TENM3: variants seen among roughly 807,000 people sequenced by gnomAD.
The protein encoded by TENM3 is teneurin transmembrane protein 3, also known as teneurin-3.
Under a neutral mutation model 255.1 loss-of-function variants are expected in TENM3, and 63 were observed. That is an observed-to-expected ratio of 0.25 (90% CI 0.20 to 0.30). The LOEUF (loss-of-function observed/expected upper bound fraction) is 0.30. Among genes scored for constraint, TENM3 ranks in the 10% least tolerant of loss-of-function variants. The pLI is 1.00. For synonymous variants in TENM3, 1,306 were observed against 1,322.3 expected, an observed-to-expected ratio of 0.99 and a Z score of 0.27; for missense variants, 2,929 against 3,461.1, an observed-to-expected ratio of 0.85 and a Z score of 3.86.
At chr4:181,572,084 C>A in the TENM3 span, among the ~76,000 whole-genome samples, 1 of 152,144 alleles carries the variant, frequency 6.6e-6, no homozygotes, top group African/African-American at 2.4e-5. Context: ...ATAGATTAAC[C>A]ACTGTTCTGA....
intron 13 of TENM3, among the ~76,000 whole-genome samples, chr4:182,727,150 A>T (rs749791195): frequency 9.9e-5 from 15 of 152,108 alleles, no homozygotes; most frequent in Non-Finnish European, 2.1e-4. Flanking sequence ...TGTAATTACC[A>T]AGGAGATAAA....
chr4:181,789,193 C>A, the TENM3 span, among the ~76,000 whole-genome samples: 1 of 151,712 alleles, frequency 6.6e-6, no homozygotes, highest in Non-Finnish European at 1.5e-5. Flanking sequence ...GGAGTGTCTT[C>A]TGTTATTTAT....
intron 1 of TENM3, among the ~76,000 whole-genome samples, chr4:182,312,469 T>A (rs1762511767): frequency 6.6e-6 from 1 of 152,240 alleles, no homozygotes; most frequent in African/African-American, 2.4e-5. Context: ...GAAGATGGAA[T>A]GACCTACTTC....
intron 3 of TENM3, among the ~76,000 whole-genome samples, chr4:182,518,139 A>G (rs1738196604): frequency 2.6e-5 from 4 of 152,118 alleles, no homozygotes; most frequent in Admixed American, 2.6e-4. Context: ...CTGGGACCTC[A>G]TAGTAATAAA....
chr4:182,695,190 G>A (rs749389523), intron 12 of TENM3, among the ~76,000 whole-genome samples: 50 of 152,150 alleles, frequency 3.3e-4, no homozygotes, highest in Non-Finnish European at 6.5e-4. Flanking sequence ...TCAGTCAGTG[G>A]TTGGTAGTGG....
At chr4:182,551,886 G>A (rs1742069010) in intron 3 of TENM3, among the ~76,000 whole-genome samples, 2 of 151,932 alleles carry the variant, frequency 1.3e-5, no homozygotes, top group Non-Finnish European at 2.9e-5. Context: ...GCGTGGTAGT[G>A]CATGCCTGTA....
the TENM3 span, among the ~76,000 whole-genome samples, chr4:181,596,912 C>T: frequency 6.6e-6 from 1 of 151,548 alleles, no homozygotes; most frequent in Non-Finnish European, 1.5e-5. Flanking sequence ...AGGGGAGCAA[C>T]ATACACTGGG....
chr4:181,765,702 A>C, the TENM3 span, among the ~76,000 whole-genome samples: 1 of 152,304 alleles, frequency 6.6e-6, no homozygotes, highest in South Asian at 2.1e-4. Flanking sequence ...GAGGCACAAT[A>C]AACACTTATA....
chr4:182,759,952 G>A (rs1387026730), intron 22 of TENM3, among the ~76,000 whole-genome samples: 1 of 152,176 alleles, frequency 6.6e-6, no homozygotes, highest in East Asian at 1.9e-4. Context: ...TGGATGGTAT[G>A]GTGGGAAGAC....
chr4:182,180,122 AT>A (rs1204716263), intron 1 of TENM3, among the ~76,000 whole-genome samples: 1 of 139,440 alleles, frequency 7.2e-6, no homozygotes, highest in Non-Finnish European at 1.7e-5. Context: ...TAAAAAAAAA[AT>A]CGAAGAGTTT....
At chr4:182,510,853 C>A (rs1329098671) in intron 3 of TENM3, among the ~76,000 whole-genome samples, 1 of 152,162 alleles carries the variant, frequency 6.6e-6, no homozygotes, top group South Asian at 2.1e-4. Context: ...GGGATCTGAG[C>A]GCATCCTGCA....
the TENM3 span, among the ~76,000 whole-genome samples, chr4:181,556,568 CTA>C: frequency 1.3e-5 from 2 of 151,944 alleles, no homozygotes; most frequent in East Asian, 3.9e-4. Context: ...GACATTTTTT[CTA>C]TTACAACTAG....
At chr4:182,643,389 T>C (rs1752481943) in intron 5 of TENM3, among the ~76,000 whole-genome samples, 1 of 152,238 alleles carries the variant, frequency 6.6e-6, no homozygotes, top group African/African-American at 2.4e-5. Flanking sequence ...ACATCGGTAT[T>C]CTAATGTGTT....
intron 3 of TENM3, among the ~76,000 whole-genome samples, chr4:182,555,983 G>A (rs1742544655): frequency 6.6e-6 from 1 of 152,076 alleles, no homozygotes; most frequent in East Asian, 1.9e-4. Flanking sequence ...AATGCAGGAA[G>A]TAATATTAGT....
At chr4:181,721,586 C>T in the TENM3 span, among the ~76,000 whole-genome samples, 2 of 23,014 alleles carry the variant, frequency 8.7e-5, no homozygotes, top group African/African-American at 2.6e-4. Flanking sequence ...GGCGACAGAG[C>T]GAGACTCCGT....
intron 1 of TENM3, among the ~76,000 whole-genome samples, chr4:182,200,525 G>T (rs1189232137): frequency 6.6e-6 from 1 of 152,110 alleles, no homozygotes; most frequent in African/African-American, 2.4e-5. Context: ...CCTTTTAATG[G>T]GAAATATGTA....
intron 3 of TENM3, among the ~76,000 whole-genome samples, chr4:182,552,517 T>G (rs984644269): frequency 6.6e-6 from 1 of 152,240 alleles, no homozygotes; most frequent in Non-Finnish European, 1.5e-5. Flanking sequence ...AGTTTTGCTG[T>G]ACCATTCTGA....
chr4:182,577,866 C>T (rs944023512), intron 3 of TENM3, among the ~76,000 whole-genome samples: 1 of 152,162 alleles, frequency 6.6e-6, no homozygotes, highest in African/African-American at 2.4e-5. Flanking sequence ...AAACCATTAT[C>T]ACCTCTGAAA....
intron 3 of TENM3, chr4:182,449,006 G>A (rs1046129605): frequency 4.2e-5 from 17 of 400,024 alleles, no homozygotes; most frequent in Admixed American, 3.1e-4. Flanking sequence ...GCTGTAACAC[G>A]ATACGCTCCA....
Sources: allele counts gnomAD v4.1 joint callset (sites outside exome capture counted in the v4.1 genomes callset), GRCh38; gene constraint gnomAD v4.1.1; transcripts MANE v1.5; gene names NCBI Gene and HGNC (gene_info 2026-07-23, HGNC 2026-07-21).